HDAC9: variants seen among roughly 807,000 people sequenced by gnomAD.
The protein encoded by HDAC9 is histone deacetylase 9.
Under a neutral mutation model 139.4 loss-of-function variants are expected in HDAC9, and 41 were observed. The ratio of observed to expected loss-of-function variants is 0.29; its 90% CI spans 0.23 to 0.38. The LOEUF (loss-of-function observed/expected upper bound fraction) is 0.38, where lower values mean the gene tolerates loss of function less well. HDAC9 is among the 10% of genes least tolerant of loss of function. HDAC9 has a pLI of 1.00. For synonymous variants in HDAC9, 517 were observed against 476.2 expected (o/e 1.09, Z -1.12); for missense variants, 1,147 against 1,297.0 (o/e 0.88, Z 1.78).
At chr7:18,725,182 T>C (rs1403440054) in intron 12 of HDAC9, among the ~76,000 whole-genome samples, 3 of 151,724 alleles carry the variant, frequency 2.0e-5, no homozygotes, top group African/African-American at 7.2e-5. Flanking sequence ...TTTAATTTCT[T>C]AATCAGAAAA....
intron 6 of HDAC9, among the ~76,000 whole-genome samples, chr7:18,620,224 A>G (rs1377243789): frequency 1.3e-5 from 2 of 152,002 alleles, no homozygotes; most frequent in East Asian, 3.8e-4. Flanking sequence ...TTGTTTCTCA[A>G]TATTATTATT....
chr7:18,246,700 G>T (rs1029093030), intron 2 of HDAC9, among the ~76,000 whole-genome samples: 6 of 152,092 alleles, frequency 3.9e-5, no homozygotes, highest in African/African-American at 1.4e-4. Flanking sequence ...GCCACTGTAA[G>T]AACTATGACT....
intron 13 of HDAC9, among the ~76,000 whole-genome samples, chr7:18,741,381 C>G (rs1293281843): frequency 1.3e-5 from 2 of 152,170 alleles, no homozygotes; most frequent in Non-Finnish European, 2.9e-5. Context: ...TAAGTCTACT[C>G]TACCTGTGCT....
chr7:18,821,078 A>G (rs1794932032), intron 17 of HDAC9, among the ~76,000 whole-genome samples: 1 of 152,212 alleles, frequency 6.6e-6, no homozygotes, highest in Non-Finnish European at 1.5e-5. Flanking sequence ...TTGTTGCTGC[A>G]GCCACCTGAG....
At chr7:18,677,153 C>T (rs73313330) in intron 12 of HDAC9, among the ~76,000 whole-genome samples, 2,738 of 151,926 alleles carry the variant, frequency 0.018, 97 homozygotes, top group African/African-American at 0.063. Context: ...TCCTCCCAGC[C>T]CCAGTCAACT....
intron 2 of HDAC9, among the ~76,000 whole-genome samples, chr7:18,238,083 G>T (rs1793945058): frequency 6.6e-6 from 1 of 152,140 alleles, no homozygotes; most frequent in Non-Finnish European, 1.5e-5. Flanking sequence ...GAACTTGATT[G>T]CACATGCTAA....
chr7:18,458,772 G>C, intron 1 of HDAC9: 1 of 933,334 alleles, frequency 1.1e-6, no homozygotes, highest in Non-Finnish European at 1.7e-6. Context: ...GGAGGTGGTG[G>C]CTCTTGCTTG....
At chr7:18,889,451 T>A (rs537922473) in intron 22 of HDAC9, among the ~76,000 whole-genome samples, 2 of 150,556 alleles carry the variant, frequency 1.3e-5, no homozygotes, top group Admixed American at 6.6e-5. Flanking sequence ...TAAAAAAAAA[T>A]GATCTATTTA....
At chr7:18,850,079 A>C (rs1389081015) in intron 21 of HDAC9, among the ~76,000 whole-genome samples, 1 of 141,576 alleles carries the variant, frequency 7.1e-6, no homozygotes, top group African/African-American at 2.6e-5. Flanking sequence ...TAAAAGCCTG[A>C]GTAAAAAAAA....
At chr7:18,161,439 A>G (rs568818850) in intron 1 of HDAC9, among the ~76,000 whole-genome samples, 2 of 152,320 alleles carry the variant, frequency 1.3e-5, no homozygotes, top group South Asian at 4.1e-4. Context: ...AAATAGTGCA[A>G]TTGGGATATA....
chr7:18,123,790 A>G (rs1784496042), intron 1 of HDAC9, among the ~76,000 whole-genome samples: 1 of 152,202 alleles, frequency 6.6e-6, no homozygotes, highest in African/African-American at 2.4e-5. Context: ...CTTGAATACT[A>G]GAGTTAATTC....
chr7:18,834,710 C>T (rs1375869633), intron 19 of HDAC9, among the ~76,000 whole-genome samples: 1 of 152,184 alleles, frequency 6.6e-6, no homozygotes, highest in Non-Finnish European at 1.5e-5. Flanking sequence ...TGAGCTCATG[C>T]TCCTGCGTCT....
chr7:18,171,322 T>C (rs536459846), intron 2 of HDAC9, among the ~76,000 whole-genome samples: 2 of 152,344 alleles, frequency 1.3e-5, no homozygotes, highest in African/African-American at 4.8e-5. Context: ...CTGAAGTTGC[T>C]TATCAGCTTA....
At chr7:18,232,127 T>C (rs959992597) in intron 2 of HDAC9, among the ~76,000 whole-genome samples, 1 of 152,164 alleles carries the variant, frequency 6.6e-6, no homozygotes, top group Non-Finnish European at 1.5e-5. Flanking sequence ...ACTCTAGTGA[T>C]CTTCTGTATG....
At chr7:18,931,360 T>A (rs1804726540) in intron 22 of HDAC9, among the ~76,000 whole-genome samples, 1 of 152,152 alleles carries the variant, frequency 6.6e-6, no homozygotes, top group African/African-American at 2.4e-5. Context: ...AAAAGATTCT[T>A]ATCGGCATCA....
At chr7:18,523,152 G>T (rs1466645733) in intron 2 of HDAC9, among the ~76,000 whole-genome samples, 1 of 152,178 alleles carries the variant, frequency 6.6e-6, no homozygotes, top group Non-Finnish European at 1.5e-5. Flanking sequence ...TGCAAACCAG[G>T]CAGGAGACAG....
rs1434635516 is a variant in HDAC9, at chr7:18,856,045, C to G, written c.2685-18433C>G. Reference sequence around the variant, plus strand: ...GCGAGGCTGGTGTTTGCTTTGCACACAGACCCAACATCTGTTGGATCTTTG... The same window carrying G: ...GCGAGGCTGGTGTTTGCTTTGCACAGAGACCCAACATCTGTTGGATCTTTG... On this transcript the variant is annotated intron_variant, in intron 21 of 25. Coordinates refer to ENST00000686413, the MANE Select transcript of HDAC9 (RefSeq NM_178425.4). Among the ~76,000 whole-genome samples the G allele has an allele frequency of 3.3e-5, 5 of 152,238 alleles. No individual in the cohort carries two copies. The South Asian group carries it at 8.3e-4, about 25-fold the overall frequency.
intron 1 of HDAC9, among the ~76,000 whole-genome samples, chr7:18,401,710 T>A (rs574448188): frequency 6.6e-4 from 101 of 152,284 alleles, no homozygotes; most frequent in African/African-American, 2.0e-3. Flanking sequence ...CATGCTCTAG[T>A]CCTAGCCTCG....
chr7:18,735,254 T>C (rs1450677894), intron 13 of HDAC9, among the ~76,000 whole-genome samples: 3 of 152,232 alleles, frequency 2.0e-5, no homozygotes, highest in Non-Finnish European at 4.4e-5. Context: ...ATCCCATTCG[T>C]CTATTTTGGC....
Sources: gnomAD v4.1 joint callset for allele counts (sites outside exome capture counted in the v4.1 genomes callset) on GRCh38, gnomAD v4.1.1 for gene constraint, MANE v1.5 for transcripts, NCBI Gene and HGNC (gene_info 2026-07-23, HGNC 2026-07-21) for gene names.